BCL9: variants seen among roughly 807,000 people sequenced by gnomAD.
BCL9 encodes B-cell CLL/lymphoma 9 protein.
A neutral mutation model predicts 88.5 loss-of-function variants in BCL9; 25 were observed. The observed-to-expected ratio is 0.28, with a 90% CI of 0.21 to 0.39. BCL9 has a LOEUF of 0.39. BCL9 is among the 10% of genes least tolerant of loss of function. The pLI is 1.00. For missense variants in BCL9, 1,817 were observed against 1,877.8 expected (o/e 0.97, Z 0.60); for synonymous variants, 711 against 673.3 (o/e 1.06, Z -0.87).
intron 1 of BCL9, among the ~76,000 whole-genome samples, chr1:147,563,800 C>T (rs1288222798): frequency 6.6e-6 from 1 of 152,216 alleles, no homozygotes; most frequent in Non-Finnish European, 1.5e-5. Context: ...TTAACAACCA[C>T]TACTCATTAC....
chr1:147,612,039 T>A (rs1658031572), intron 4 of BCL9, 150 bp downstream of exon 4: 5 of 750,740 alleles, frequency 6.7e-6, no homozygotes, highest in Non-Finnish European at 6.7e-6. Flanking sequence ...AATAGTAATA[T>A]AACAGTAAGC....
chr1:147,613,269 C>T (rs1658104833), intron 5 of BCL9, 70 bp downstream of exon 5: 2 of 1,512,160 alleles, frequency 1.3e-6, no homozygotes, highest in Non-Finnish European at 1.8e-6. Context: ...TGACATTCGA[C>T]AGAGGCCAGA....
chr1:147,617,196 G>A (rs760999701), intron 7 of BCL9, among the ~76,000 whole-genome samples: 2 of 152,176 alleles, frequency 1.3e-5, no homozygotes, highest in Non-Finnish European at 2.9e-5. Flanking sequence ...ATAGTACAGT[G>A]TAACTGAAAC....
intron 1 of BCL9, among the ~76,000 whole-genome samples, chr1:147,602,241 C>G (rs1429896444): frequency 2.3e-4 from 34 of 146,282 alleles, no homozygotes; most frequent in Admixed American, 2.2e-3. Flanking sequence ...GAGTCTCACT[C>G]TGTAGCCCAG....
At chr1:147,574,228 G>C (rs781877307) in intron 1 of BCL9, among the ~76,000 whole-genome samples, 139 of 152,108 alleles carry the variant, frequency 9.1e-4, no homozygotes, top group Non-Finnish European at 1.5e-3. Context: ...AAGGCAAAAG[G>C]CACTCTGGAC....
At chr1:147,575,927 G>A (rs1332149409) in intron 1 of BCL9, among the ~76,000 whole-genome samples, 1 of 152,060 alleles carries the variant, frequency 6.6e-6, no homozygotes, top group Non-Finnish European at 1.5e-5. Flanking sequence ...GTATTTCAGT[G>A]ATTCCCAGCT....
chr1:147,614,300 A>G, intron 5 of BCL9, 127 bp from the exon 6 acceptor site: 1 of 837,398 alleles, frequency 1.2e-6, no homozygotes, highest in South Asian at 1.8e-5. Context: ...TAAGTAGAAG[A>G]GGTTTCCTCT....
At chr1:147,574,672 A>T (rs1218761092) in intron 1 of BCL9, among the ~76,000 whole-genome samples, 1 of 152,168 alleles carries the variant, frequency 6.6e-6, no homozygotes, top group Non-Finnish European at 1.5e-5. Context: ...GATTAGATAG[A>T]TCTCTAATTG....
At chr1:147,546,103 G>A (rs587743007) in intron 1 of BCL9, among the ~76,000 whole-genome samples, 6 of 152,182 alleles carry the variant, frequency 3.9e-5, no homozygotes, top group South Asian at 2.1e-4. Flanking sequence ...TTGGGAGGCC[G>A]AGGCGGGCGG....
intron 4 of BCL9, among the ~76,000 whole-genome samples, chr1:147,612,455 G>A (rs587630962): frequency 6.6e-6 from 1 of 152,312 alleles, no homozygotes; most frequent in South Asian, 2.1e-4. Context: ...TTTGGGACCA[G>A]CTTGCATTTT....
At chr1:147,564,074 A>T (rs1277219304) in intron 1 of BCL9, among the ~76,000 whole-genome samples, 1 of 152,152 alleles carries the variant, frequency 6.6e-6, no homozygotes, top group Non-Finnish European at 1.5e-5. Context: ...TCGAACGTGG[A>T]TGTGACTTGA....
chr1:147,614,590 C>T lies in BCL9; in HGVS notation c.534C>T (p.Tyr178=), dbSNP rs61751614. The T allele has an allele frequency of 8.7e-6, 14 of 1,613,464 alleles. No homozygotes were observed. The East Asian group carries it at 8.9e-5, about 10-fold the overall frequency. ...PAQKTPAKVV[Y]VFSTEMANKA... ...AGAAGACTCCAGCCAAAGTGGTGTA[C>T]GTGTTTTCTACTGAGATGGCCAATA... Residue 178 remains tyrosine (Y), a synonymous_variant, in exon 6 of 10, where the codon TAC becomes TAT. Coordinates refer to ENST00000234739, the MANE Select transcript of BCL9 (RefSeq NM_004326.4).
At chr1:147,545,911 G>A (rs1202672369) in intron 1 of BCL9, among the ~76,000 whole-genome samples, 1 of 152,128 alleles carries the variant, frequency 6.6e-6, no homozygotes, top group Non-Finnish European at 1.5e-5. Context: ...GGACTCACAA[G>A]AAAATGAGGG....
chr1:147,567,438 T>G (rs1655658709), intron 1 of BCL9, among the ~76,000 whole-genome samples: 1 of 152,202 alleles, frequency 6.6e-6, no homozygotes, highest in Non-Finnish European at 1.5e-5. Context: ...TTCCAAAATA[T>G]TCTATTTGAG....
At chr1:147,617,541 T>G (rs2644556) in intron 7 of BCL9, among the ~76,000 whole-genome samples, 102,895 of 149,338 alleles carry the variant, frequency 0.69, 35,013 homozygotes, top group East Asian at 0.72. Flanking sequence ...CACACAACTC[T>G]TTACCTATAG....
intron 1 of BCL9, among the ~76,000 whole-genome samples, chr1:147,554,126 A>G (rs587669700): frequency 6.6e-6 from 1 of 152,372 alleles, no homozygotes; most frequent in African/African-American, 2.4e-5. Flanking sequence ...AGAATAATGC[A>G]GAAAATAATA....
intron 1 of BCL9, among the ~76,000 whole-genome samples, chr1:147,552,770 C>T (rs943784107): frequency 6.6e-6 from 1 of 152,298 alleles, no homozygotes; most frequent in Non-Finnish European, 1.5e-5. Context: ...GAAGGAATCA[C>T]ACAATGAAAT....
intron 1 of BCL9, among the ~76,000 whole-genome samples, chr1:147,550,277 C>T (rs1654827117): frequency 6.6e-6 from 1 of 152,042 alleles, no homozygotes; most frequent in Non-Finnish European, 1.5e-5. Context: ...TTAGTACGAA[C>T]CATGGAAGGG....
intron 1 of BCL9, among the ~76,000 whole-genome samples, chr1:147,560,757 A>G (rs1553196019): frequency 6.6e-6 from 1 of 152,190 alleles, no homozygotes; most frequent in Admixed American, 6.5e-5. Flanking sequence ...ATAAAAATAA[A>G]TACATACATA....
Sources: gnomAD v4.1 joint callset for allele counts (sites outside exome capture counted in the v4.1 genomes callset) on GRCh38, gnomAD v4.1.1 for gene constraint, MANE v1.5 for transcripts, NCBI Gene and HGNC (gene_info 2026-07-23, HGNC 2026-07-21) for gene names.